The following LRP2BP variants were observed in gnomAD, a reference collection of about 807,000 sequenced individuals.
LRP2BP encodes the protein LRP2-binding protein.
Under a neutral mutation model 45.2 loss-of-function variants are expected in LRP2BP, and 38 were observed. The ratio of observed to expected loss-of-function variants is 0.84; its 90% CI spans 0.65 to 1.10. LRP2BP has a LOEUF of 1.10. LRP2BP is among the 50% of genes least tolerant of loss of function. LRP2BP has a pLI of 0.00. For synonymous variants in LRP2BP, 153 were observed against 153.9 expected, an observed-to-expected ratio of 0.99 and a Z score of 0.04; for missense variants, 385 against 418.9, an observed-to-expected ratio of 0.92 and a Z score of 0.71.
rs149564172 is a variant in LRP2BP at position 185,374,229 on chromosome 4, A to G, written c.485T>C (p.Ile162Thr). 4.3e-6 allele frequency: 7 copies of G among 1,614,078 alleles called. No homozygotes were observed. In the African/African-American group the frequency reaches 9.3e-5, roughly 22 times the overall value. The change falls in exon 6 of 9, where the codon ATC becomes ACC. Residue 162 changes from isoleucine (I) to threonine (T), a missense_variant. Ile to Thr is a moderately conservative substitution (Grantham distance 89). Coordinates refer to ENST00000505916, the MANE Select transcript of LRP2BP (RefSeq NM_001377440.1). ...TTTGGGATTTCCATTGTCTGCTGCG[A>G]TAAGCCACAGTCTACAAGAGAAAGT... is the stretch of plus-strand genomic sequence containing the variant. ...SNEEAERLWL[I>T]AADNGNPKAS... is the part of the protein sequence containing the mutation.
rs758927819 is a variant in LRP2BP at position 185,385,916 on chromosome 4, G to GGGT, written c.-21-7710_-21-7709insACC. Reference sequence around the variant, plus strand: ...ACTCTGTCTCGGGGAGGGGGGGGGGGAGATAAAGAAATAACATCATCTTAT... The same window carrying GGGT: ...ACTCTGTCTCGGGGAGGGGGGGGGGGGGTAGATAAAGAAATAACATCATCTTAT... On this transcript the variant is annotated intron_variant, in intron 1 of 8. Coordinates refer to ENST00000505916, the MANE Select transcript of LRP2BP (RefSeq NM_001377440.1). Among the ~76,000 whole-genome samples, 42 of 138,110 alleles carry GGGT rather than the reference G, an allele frequency of 3.0e-4. 1 individual carries two copies. Among genetic ancestry groups the GGGT allele is most frequent in the South Asian group, 9.5e-4 (4 of 4,206 alleles). The allele number at this position is 138,110 out of a possible 152,430, so 90.6% of individuals were successfully genotyped here. A position where few individuals can be genotyped will look rare whatever the true frequency, so the allele number is the denominator to read the frequency against.
chr4:185,367,303 C>CTT (rs138875428), intron 8 of LRP2BP, 58 bp from the exon 9 acceptor site: 946 of 1,100,278 alleles, frequency 8.6e-4, no homozygotes, highest in Non-Finnish European at 9.5e-4. Context: ...GGTCTTTCTT[C>CTT]TTTTTTTTTT....
intron 3 of LRP2BP, among the ~76,000 whole-genome samples, chr4:185,376,443 CTTTTTTTTTTT>C (rs34024562): frequency 9.4e-6 from 1 of 105,824 alleles, no homozygotes; most frequent in East Asian, 2.7e-4. Flanking sequence ...TGCCCAGCTA[CTTTTTTTTTTT>C]TTTTTTTTTT....
intron 1 of LRP2BP, among the ~76,000 whole-genome samples, chr4:185,381,889 C>A (rs1239328788): frequency 6.6e-6 from 1 of 152,124 alleles, no homozygotes; most frequent in South Asian, 2.1e-4. Flanking sequence ...AATTCACATA[C>A]CATAAAATTC....
At chr4:185,368,792 T>TTCG (rs1282756035) in intron 8 of LRP2BP, among the ~76,000 whole-genome samples, 4 of 142,872 alleles carry the variant, frequency 2.8e-5, no homozygotes, top group African/African-American at 1.1e-4. Context: ...TGGAATCTGT[T>TTCG]TTGTTTTTTT....
At chr4:185,383,301 G>A (rs1316950463) in intron 1 of LRP2BP, among the ~76,000 whole-genome samples, 1 of 152,004 alleles carries the variant, frequency 6.6e-6, no homozygotes, top group African/African-American at 2.4e-5. Flanking sequence ...GTGAGGCCCT[G>A]TCCTTCCAAA....
chr4:185,373,637 C>CT (rs1414908923), intron 6 of LRP2BP, among the ~76,000 whole-genome samples: 1 of 152,232 alleles, frequency 6.6e-6, no homozygotes, highest in African/African-American at 2.4e-5. Flanking sequence ...TTATGTGTCT[C>CT]TTGCAAATTT....
At chr4:185,390,339 T>C (rs1248501632) in intron 1 of LRP2BP, among the ~76,000 whole-genome samples, 1 of 152,014 alleles carries the variant, frequency 6.6e-6, no homozygotes, top group African/African-American at 2.4e-5. Flanking sequence ...GGTGAAATCC[T>C]GTTTATACTA....
chr4:185,383,384 G>A (rs1262153560), intron 1 of LRP2BP, among the ~76,000 whole-genome samples: 1 of 152,190 alleles, frequency 6.6e-6, no homozygotes, highest in Non-Finnish European at 1.5e-5. Context: ...GGAGGCTGAG[G>A]GGGGAAGATC....
chr4:185,376,549 C>T (rs2095438541), intron 3 of LRP2BP, among the ~76,000 whole-genome samples: 1 of 151,792 alleles, frequency 6.6e-6, no homozygotes, highest in Admixed American at 6.6e-5. Context: ...CTGCCTCGGC[C>T]TCCCGAAGTA....
upstream of LRP2BP, chr4:185,396,844 C>T (rs371823357): frequency 4.8e-6 from 7 of 1,472,382 alleles, no homozygotes; most frequent in Admixed American, 5.0e-5. Flanking sequence ...CCAGCCTGCG[C>T]ATTCTTACCT....
intron 1 of LRP2BP, among the ~76,000 whole-genome samples, chr4:185,388,325 T>C (rs192475841): frequency 1.1e-3 from 173 of 152,200 alleles, no homozygotes; most frequent in African/African-American, 4.1e-3. Flanking sequence ...CTCATCCTTA[T>C]TCCCAATATT....
chr4:185,397,248 C>T, upstream of LRP2BP: 1 of 1,614,148 alleles, frequency 6.2e-7, no homozygotes, highest in Non-Finnish European at 8.5e-7. Flanking sequence ...CAGGAAGCGG[C>T]CTTGCTTGCT....
At chr4:185,383,742 AT>A (rs35997927) in intron 1 of LRP2BP, among the ~76,000 whole-genome samples, 1 of 152,180 alleles carries the variant, frequency 6.6e-6, no homozygotes, top group African/African-American at 2.4e-5. Flanking sequence ...GAATTCTGTC[AT>A]TTTGGTAGCT....
At chr4:185,396,560 C>T (rs1023205437), upstream of LRP2BP, 11 of 289,572 alleles carry the variant, frequency 3.8e-5, no homozygotes, top group African/African-American at 2.3e-4. Flanking sequence ...CGCGCTGAGG[C>T]TCCGTGGGGC....
intron 6 of LRP2BP, 102 bp from the exon 7 acceptor site, chr4:185,373,181 T>C: frequency 1.9e-6 from 2 of 1,060,000 alleles, no homozygotes; most frequent in South Asian, 1.5e-5. Flanking sequence ...GATAGCACTA[T>C]TAATCATCTC....
intron 1 of LRP2BP, among the ~76,000 whole-genome samples, chr4:185,394,265 A>T (rs926763473): frequency 1.3e-3 from 2 of 1,554 alleles, no homozygotes; most frequent in Admixed American, 6.3e-3. Flanking sequence ...TTTCAGAGTT[A>T]AAAAAAAAAA....
chr4:185,378,160 G>A lies in LRP2BP; in HGVS notation c.27C>T (p.Pro9=). 1 of 1,613,978 alleles carries A rather than the reference G, an allele frequency of 6.2e-7. No individual in the cohort carries two copies. Residue 9 remains proline (P), a synonymous_variant, in exon 2 of 9, where the codon CCC becomes CCT. Coordinates refer to ENST00000505916, the MANE Select transcript of LRP2BP (RefSeq NM_001377440.1). ...ATACAGAGGCATAAAAGGGGTTCTT[G>A]GGCAACTTTTCACTGGTCAACTTCA... The part of the protein sequence containing the change: MKLTSEKL[P]KNPFYASVSQ...
chr4:185,389,184 TA>T (rs2095481244), intron 1 of LRP2BP, among the ~76,000 whole-genome samples: 1 of 150,716 alleles, frequency 6.6e-6, no homozygotes, highest in Non-Finnish European at 1.5e-5. Context: ...TGGCCTTTTT[TA>T]ATTTTTATTT....
Sources: allele counts gnomAD v4.1 joint callset (sites outside exome capture counted in the v4.1 genomes callset), GRCh38; gene constraint gnomAD v4.1.1; transcripts MANE v1.5; gene names NCBI Gene and HGNC (gene_info 2026-07-23, HGNC 2026-07-21).